The following CADM2 variants were observed in gnomAD, a reference collection of about 807,000 sequenced individuals.
The protein encoded by CADM2 is immunoglobulin superfamily member 4D.
In CADM2, 12 loss-of-function variants were observed where a neutral mutation model predicts 49.8. The observed-to-expected ratio is 0.24, with a 90% CI of 0.15 to 0.39. The LOEUF (loss-of-function observed/expected upper bound fraction) is 0.39, where lower values mean the gene tolerates loss of function less well. Among genes scored for constraint, CADM2 ranks in the 10% least tolerant of loss-of-function variants. The pLI, the probability that CADM2 is intolerant of heterozygous loss-of-function variation, is 1.00. For missense variants in CADM2, 378 were observed against 492.3 expected (o/e 0.77, Z 2.20); for synonymous variants, 214 against 175.4 (o/e 1.22, Z -1.74).
At chr3:84,967,632 T>C (rs2031102744) in intron 1 of CADM2, among the ~76,000 whole-genome samples, 1 of 152,112 alleles carries the variant, frequency 6.6e-6, no homozygotes, top group Admixed American at 6.6e-5. Flanking sequence ...AGGAATATAA[T>C]ATCCCTCCCA....
At chr3:85,290,500 A>T (rs537698692) in intron 1 of CADM2, among the ~76,000 whole-genome samples, 323 of 152,324 alleles carry the variant, frequency 2.1e-3, no homozygotes, top group African/African-American at 6.5e-3. Flanking sequence ...ACAGACAAAC[A>T]AAAAGACAGC....
chr3:86,011,809 A>G (rs991804541), intron 8 of CADM2, among the ~76,000 whole-genome samples: 5 of 152,182 alleles, frequency 3.3e-5, no homozygotes, highest in African/African-American at 1.2e-4. Context: ...AAACGTACGA[A>G]CATAAATTTA....
intron 1 of CADM2, among the ~76,000 whole-genome samples, chr3:85,541,149 A>G (rs1217194512): frequency 1.3e-5 from 2 of 150,840 alleles, no homozygotes; most frequent in Non-Finnish European, 3.0e-5. Context: ...TGACACATAT[A>G]TACATTTATA....
chr3:85,703,958 C>A (rs1181208307), intron 1 of CADM2, among the ~76,000 whole-genome samples: 1 of 152,170 alleles, frequency 6.6e-6, no homozygotes, highest in African/African-American at 2.4e-5. Flanking sequence ...AAACATTCTG[C>A]TGGCCAGTCT....
intron 1 of CADM2, among the ~76,000 whole-genome samples, chr3:85,504,902 C>T (rs2107672385): frequency 6.6e-6 from 1 of 152,268 alleles, no homozygotes; most frequent in African/African-American, 2.4e-5. Flanking sequence ...GTACACCCTC[C>T]GCAGCCGCTG....
intron 1 of CADM2, among the ~76,000 whole-genome samples, chr3:85,126,762 A>C (rs570412826): frequency 6.6e-6 from 1 of 152,298 alleles, no homozygotes; most frequent in East Asian, 1.9e-4. Flanking sequence ...ATGAACACAA[A>C]AATGAGTAGA....
At chr3:85,618,985 G>A (rs976211974) in intron 1 of CADM2, among the ~76,000 whole-genome samples, 5 of 151,844 alleles carry the variant, frequency 3.3e-5, no homozygotes, top group Admixed American at 2.0e-4. Flanking sequence ...AGGTTGCAGG[G>A]AGCTGAGATC....
At chr3:85,154,940 T>C (rs62250647) in intron 1 of CADM2, among the ~76,000 whole-genome samples, 5 of 150,924 alleles carry the variant, frequency 3.3e-5, no homozygotes, top group South Asian at 2.1e-4. Context: ...CTGAAGGAAG[T>C]GCTAAACATG....
At chr3:85,808,300 C>T (rs2072583748) in intron 3 of CADM2, among the ~76,000 whole-genome samples, 1 of 152,152 alleles carries the variant, frequency 6.6e-6, no homozygotes, top group South Asian at 2.1e-4. Flanking sequence ...TTATAATCCT[C>T]TTCTCTTTCT....
At chr3:85,015,588 A>G (rs2034216463) in intron 1 of CADM2, among the ~76,000 whole-genome samples, 1 of 152,208 alleles carries the variant, frequency 6.6e-6, no homozygotes, top group Non-Finnish European at 1.5e-5. Flanking sequence ...TGATTAATAT[A>G]ATGCCTGCCA....
intron 1 of CADM2, among the ~76,000 whole-genome samples, chr3:85,097,166 C>CA (rs1275174204): frequency 6.6e-6 from 1 of 152,132 alleles, no homozygotes; most frequent in African/African-American, 2.4e-5. Flanking sequence ...CACCCCACAA[C>CA]AGTCTGCGGA....
At chr3:85,588,296 A>G (rs1408043695) in intron 1 of CADM2, among the ~76,000 whole-genome samples, 2 of 151,996 alleles carry the variant, frequency 1.3e-5, no homozygotes, top group Non-Finnish European at 2.9e-5. Flanking sequence ...ATTTTAGTAG[A>G]GATGTACGGT....
At chr3:85,105,215 G>C (rs538497269) in intron 1 of CADM2, among the ~76,000 whole-genome samples, 32 of 151,858 alleles carry the variant, frequency 2.1e-4, no homozygotes, top group Non-Finnish European at 3.7e-4. Context: ...GGGCTAATAT[G>C]CAGAATCTAC....
intron 2 of CADM2, among the ~76,000 whole-genome samples, chr3:85,774,528 C>A (rs1187618736): frequency 6.6e-6 from 1 of 151,408 alleles, no homozygotes; most frequent in African/African-American, 2.4e-5. Flanking sequence ...AATTTTATTA[C>A]CTTTTTTGCA....
chr3:85,546,839 C>CA (rs75187107), intron 1 of CADM2, among the ~76,000 whole-genome samples: 77,307 of 151,400 alleles, frequency 0.51, 22,774 homozygotes, highest in East Asian at 0.85. Context: ...AGTCGGCAGG[C>CA]AAAAAAATAT....
At chr3:85,712,224 T>C (rs2067140413) in intron 1 of CADM2, among the ~76,000 whole-genome samples, 1 of 152,230 alleles carries the variant, frequency 6.6e-6, no homozygotes, top group Non-Finnish European at 1.5e-5. Flanking sequence ...ATTGTTTTCA[T>C]ATAGTCTTTC....
chr3:85,211,242 G>A (rs1158817431), intron 1 of CADM2, among the ~76,000 whole-genome samples: 4 of 151,918 alleles, frequency 2.6e-5, no homozygotes, highest in African/African-American at 9.7e-5. Context: ...CTAAAAACCA[G>A]CCTTTTGATT....
chr3:85,942,225 A>T (rs1266048064), intron 7 of CADM2, among the ~76,000 whole-genome samples: 1 of 151,994 alleles, frequency 6.6e-6, no homozygotes, highest in Non-Finnish European at 1.5e-5. Context: ...GTTGTTAAAA[A>T]AAATACCACC....
Position 85,341,637 on chromosome 3 carries a change from G to A in CADM2, c.61+381969G>A, listed in dbSNP as rs567470939. Among the ~76,000 whole-genome samples, 3 of 152,054 alleles carry A rather than the reference G, an allele frequency of 2.0e-5. No homozygotes were observed. The South Asian group carries it at 6.2e-4, about 32-fold the overall frequency. On this transcript the variant is annotated intron_variant, in intron 1 of 9. Transcript: ENST00000383699. ...GAACTAGAGTGCAGCAAGCCACCATGGCACAGGTATACCTATGTAACAAAC... is the reference window on the plus strand; with the variant it reads ...GAACTAGAGTGCAGCAAGCCACCATAGCACAGGTATACCTATGTAACAAAC...
Sources: allele counts gnomAD v4.1 joint callset (sites outside exome capture counted in the v4.1 genomes callset), GRCh38; gene constraint gnomAD v4.1.1; transcripts MANE v1.5; gene names NCBI Gene and HGNC (gene_info 2026-07-23, HGNC 2026-07-21).